Variants in VPS13C observed in about 807,000 individuals in gnomAD.
VPS13C encodes the protein vacuolar protein sorting 13 homolog C.
Under a neutral mutation model 456.8 loss-of-function variants are expected in VPS13C, and 358 were observed. The ratio of observed to expected loss-of-function variants is 0.78; its 90% CI spans 0.72 to 0.86. The LOEUF (loss-of-function observed/expected upper bound fraction) is 0.86, where lower values mean the gene tolerates loss of function less well. VPS13C is among the 40% of genes least tolerant of loss of function. The pLI is 0.00. For missense variants in VPS13C, 4,818 were observed against 4,385.4 expected, an observed-to-expected ratio of 1.10 and a Z score of -2.79; for synonymous variants, 1,578 against 1,486.7, an observed-to-expected ratio of 1.06 and a Z score of -1.41.
intron 3 of VPS13C, among the ~76,000 whole-genome samples, chr15:62,035,270 A>G (rs893585226): frequency 6.6e-6 from 1 of 152,040 alleles, no homozygotes; most frequent in African/African-American, 2.4e-5. Flanking sequence ...ATTTTTCAAT[A>G]TAAAATATTT....
intron 11 of VPS13C, 112 bp from the exon 12 acceptor site, chr15:62,012,276 AAT>A (rs1181484782): frequency 2.4e-5 from 14 of 575,724 alleles, no homozygotes; most frequent in Admixed American, 1.1e-4. Flanking sequence ...GTTCTTCATC[AAT>A]ATCTTTGCTT....
intron 12 of VPS13C, 86 bp from the exon 13 acceptor site, chr15:62,010,685 T>C: frequency 2.3e-6 from 3 of 1,287,294 alleles, no homozygotes; most frequent in Admixed American, 2.9e-5. Flanking sequence ...ACTGTTACTC[T>C]AGAAGTAAAG....
At chr15:62,047,146 C>T (rs1303178242) in intron 1 of VPS13C, among the ~76,000 whole-genome samples, 3 of 151,638 alleles carry the variant, frequency 2.0e-5, no homozygotes, top group Admixed American at 2.0e-4. Context: ...AAATATTGGC[C>T]GGTGTGCAGT....
At chr15:61,986,453 A>C (rs2046057713) in intron 18 of VPS13C, among the ~76,000 whole-genome samples, 1 of 152,180 alleles carries the variant, frequency 6.6e-6, no homozygotes, top group Non-Finnish European at 1.5e-5. Flanking sequence ...ACCAAAGAAT[A>C]AACAGATAAA....
chr15:61,928,397 A>G (rs1030307340), intron 51 of VPS13C, among the ~76,000 whole-genome samples: 2 of 152,176 alleles, frequency 1.3e-5, no homozygotes, highest in Non-Finnish European at 1.5e-5. Context: ...GTCCATAGTC[A>G]ATGTCATATA....
chr15:61,918,051 G>A (rs1393414804), intron 59 of VPS13C, 85 bp downstream of exon 59: 4 of 1,384,034 alleles, frequency 2.9e-6, no homozygotes, highest in Non-Finnish European at 2.9e-6. Flanking sequence ...CTGATCTTTA[G>A]TTAATAAAAA....
At chr15:61,953,305 T>C (rs965059753) in intron 38 of VPS13C, among the ~76,000 whole-genome samples, 1 of 151,792 alleles carries the variant, frequency 6.6e-6, no homozygotes, top group Non-Finnish European at 1.5e-5. Flanking sequence ...TAGTTATATA[T>C]GTATACATGT....
intron 38 of VPS13C, among the ~76,000 whole-genome samples, chr15:61,953,225 T>A (rs1355082096): frequency 3.9e-5 from 6 of 151,938 alleles, no homozygotes; most frequent in African/African-American, 9.7e-5. Flanking sequence ...CAATTTTTTT[T>A]AATTTATTTT....
chr15:62,032,979 GT>G (rs201763288), intron 5 of VPS13C, among the ~76,000 whole-genome samples: 4 of 150,930 alleles, frequency 2.7e-5, no homozygotes, highest in African/African-American at 9.7e-5. Context: ...AAGTTTTTGG[GT>G]TTTTTTTTAA....
At chr15:62,014,293 T>C (rs968869512) in intron 9 of VPS13C, among the ~76,000 whole-genome samples, 2 of 152,094 alleles carry the variant, frequency 1.3e-5, no homozygotes, top group Admixed American at 1.3e-4. Flanking sequence ...CTATACACTA[T>C]TGAATATGGT....
chr15:61,934,668 G>A (rs773850221), intron 48 of VPS13C, among the ~76,000 whole-genome samples: 3 of 152,166 alleles, frequency 2.0e-5, no homozygotes, highest in African/African-American at 4.8e-5. Context: ...ACTCAGAACA[G>A]TCCAATACTT....
At chr15:61,899,844 A>G (rs553487808) in intron 66 of VPS13C, among the ~76,000 whole-genome samples, 1 of 151,658 alleles carries the variant, frequency 6.6e-6, no homozygotes. Flanking sequence ...CTTGATGAAC[A>G]TCGATGCAAA....
chr15:62,016,580 G>C (rs529420231), intron 9 of VPS13C, among the ~76,000 whole-genome samples: 42 of 151,902 alleles, frequency 2.8e-4, no homozygotes, highest in African/African-American at 1.0e-3. Flanking sequence ...CTTCATCCAT[G>C]TCCCTACAAA....
chr15:61,876,140 A>G (rs1158456146), intron 75 of VPS13C, among the ~76,000 whole-genome samples: 4 of 151,980 alleles, frequency 2.6e-5, no homozygotes, highest in Admixed American at 2.6e-4. Context: ...AATCTATAAA[A>G]TGGAAGGTCA....
intron 4 of VPS13C, 137 bp downstream of exon 4, chr15:62,034,820 A>G (rs558251886): frequency 5.8e-6 from 3 of 513,902 alleles, no homozygotes; most frequent in African/African-American, 3.9e-5. Context: ...AAGTATGCAT[A>G]TAAGTGCATC....
chr15:62,027,993 CAG>C (rs1309143779), intron 6 of VPS13C, among the ~76,000 whole-genome samples: 3 of 151,984 alleles, frequency 2.0e-5, no homozygotes, highest in African/African-American at 2.4e-5. Context: ...CCACCGCTAT[CAG>C]AGAGGAACTG....
intron 15 of VPS13C, among the ~76,000 whole-genome samples, chr15:62,006,412 T>C (rs936074831): frequency 3.3e-5 from 5 of 152,148 alleles, no homozygotes; most frequent in African/African-American, 9.7e-5. Context: ...GTTTCATCCA[T>C]GTCCCTACAA....
At position 62,008,677 on chromosome 15, in the gene VPS13C, G is replaced by A. The variant is rs746995841; in HGVS notation, c.1096C>T (p.Leu366Phe). The change falls in exon 14 of 85, where the codon CTT (leucine) becomes TTT (phenylalanine). Residue 366 changes from leucine to phenylalanine, a missense_variant. Transcript: ENST00000644861. ...PYRKYKPYLP[L>F]HTNGRRWWKY... ...TACCATCGTCGACCATTGGTATGAAGTGGTAAATAAGGCTTGTATTTCCTA... is the reference window on the plus strand; with the variant it reads ...TACCATCGTCGACCATTGGTATGAAATGGTAAATAAGGCTTGTATTTCCTA... 6 of 1,605,502 alleles carry A rather than the reference G, an allele frequency of 3.7e-6. No individual in the cohort carries two copies. The highest frequency in any genetic ancestry group is 4.3e-6 in the Non-Finnish European group (5 of 1,175,692).
At chr15:62,005,295 C>A (rs1169818113) in intron 15 of VPS13C, among the ~76,000 whole-genome samples, 8 of 152,144 alleles carry the variant, frequency 5.3e-5, no homozygotes, top group Admixed American at 5.2e-4. Flanking sequence ...CTCTTTTGAT[C>A]TTTGTTGGTT....
Sources: gnomAD v4.1 joint callset for allele counts (sites outside exome capture counted in the v4.1 genomes callset) on GRCh38, gnomAD v4.1.1 for gene constraint, MANE v1.5 for transcripts, NCBI Gene and HGNC (gene_info 2026-07-23, HGNC 2026-07-21) for gene names.